Variants in B3GALT1 observed in about 807,000 individuals in gnomAD.
B3GALT1 encodes the protein beta-1,3-galactosyltransferase 1.
B3GALT1 carries 10 observed loss-of-function variants against 23.2 expected under a neutral mutation model. That is an observed-to-expected ratio of 0.43 (90% CI 0.27 to 0.73). The LOEUF (loss-of-function observed/expected upper bound fraction) is 0.73, where lower values mean the gene tolerates loss of function less well. B3GALT1 is among the 30% of genes least tolerant of loss of function. The pLI, the probability that B3GALT1 is intolerant of heterozygous loss-of-function variation, is 0.21. For synonymous variants in B3GALT1, 156 were observed against 141.5 expected (o/e 1.10, Z -0.73); for missense variants, 299 against 405.4 (o/e 0.74, Z 2.25).
chr2:167,854,872 G>C (rs1279542642), intron 4 of B3GALT1, among the ~76,000 whole-genome samples: 4 of 152,146 alleles, frequency 2.6e-5, no homozygotes, highest in Non-Finnish European at 5.9e-5. Context: ...CATCTCTTAA[G>C]TTCTTCCCAA....
intron 2 of B3GALT1, among the ~76,000 whole-genome samples, chr2:167,561,826 C>T (rs1041966327): frequency 2.0e-5 from 3 of 152,184 alleles, no homozygotes; most frequent in African/African-American, 7.2e-5. Flanking sequence ...AGCTTACCAA[C>T]CAAGAAGAGT....
chr2:167,564,182 C>G (rs1159414109), intron 2 of B3GALT1, among the ~76,000 whole-genome samples: 3 of 150,404 alleles, frequency 2.0e-5, no homozygotes, highest in Non-Finnish European at 4.4e-5. Context: ...CCTCACTTCT[C>G]AGACGGGGCG....
chr2:167,403,807 G>A (rs945304166), intron 1 of B3GALT1, among the ~76,000 whole-genome samples: 1 of 152,130 alleles, frequency 6.6e-6, no homozygotes, highest in African/African-American at 2.4e-5. Flanking sequence ...CATGGAAAGG[G>A]AAGGGAAGGA....
intron 1 of B3GALT1, among the ~76,000 whole-genome samples, chr2:167,330,377 T>G (rs1696954505): frequency 6.6e-6 from 1 of 152,122 alleles, no homozygotes; most frequent in Non-Finnish European, 1.5e-5. Flanking sequence ...GAGGCTGAGA[T>G]GAGAGCCTTC....
At chr2:167,489,802 A>G (rs537577106) in intron 1 of B3GALT1, among the ~76,000 whole-genome samples, 3 of 152,336 alleles carry the variant, frequency 2.0e-5, no homozygotes, top group Middle Eastern at 6.8e-3. Context: ...AGAACTAACA[A>G]TATTCTACTT....
intron 2 of B3GALT1, among the ~76,000 whole-genome samples, chr2:167,609,305 T>C (rs995853880): frequency 6.6e-6 from 1 of 152,322 alleles, no homozygotes; most frequent in African/African-American, 2.4e-5. Context: ...GGACAGTCTT[T>C]ACCCATGTGA....
intron 1 of B3GALT1, among the ~76,000 whole-genome samples, chr2:167,453,092 A>G (rs1288539371): frequency 6.6e-6 from 1 of 152,216 alleles, no homozygotes; most frequent in Non-Finnish European, 1.5e-5. Flanking sequence ...AGAGATGTCT[A>G]CATAGGCAGT....
intron 2 of B3GALT1, among the ~76,000 whole-genome samples, chr2:167,586,225 A>T (rs10196108): frequency 0.17 from 26,197 of 152,226 alleles, 2,319 homozygotes; most frequent in Non-Finnish European, 0.18. Flanking sequence ...CCTTCCTTAA[A>T]TCCAGGAAGC....
At position 167,511,933 on chromosome 2, in the gene B3GALT1, A is replaced by G. The variant is rs1264280712; in HGVS notation, c.-410+21656A>G. 3.3e-5 allele frequency among the ~76,000 whole-genome samples: 5 copies of G among 152,340 alleles called. No homozygotes were observed. The East Asian group carries it at 9.6e-4, about 29-fold the overall frequency. ...CATCCACCATGTGCCAGGCACGGGGAATACAGCAATGAATACAAAAGACAA... is the reference window on the plus strand; with the variant it reads ...CATCCACCATGTGCCAGGCACGGGGGATACAGCAATGAATACAAAAGACAA... On this transcript the variant is annotated intron_variant, in intron 2 of 4. Coordinates refer to ENST00000392690, the MANE Select transcript of B3GALT1 (RefSeq NM_020981.4).
chr2:167,765,833 C>T (rs535921473), intron 3 of B3GALT1, among the ~76,000 whole-genome samples: 3 of 152,118 alleles, frequency 2.0e-5, no homozygotes, highest in African/African-American at 7.2e-5. Context: ...TACCGATAAA[C>T]CTTATAACAC....
chr2:167,858,356 A>C (rs1177561412), intron 4 of B3GALT1, among the ~76,000 whole-genome samples: 1 of 151,912 alleles, frequency 6.6e-6, no homozygotes, highest in Non-Finnish European at 1.5e-5. Context: ...AAAAAAAAAA[A>C]AAAAAAAACT....
At position 167,871,891 on chromosome 2, in the gene B3GALT1, C is replaced by CTTTTTTTT. The variant is rs397870339; in HGVS notation, c.*1892_*1899dup. 12 of 62,464 alleles carry CTTTTTTTT rather than the reference C, an allele frequency of 1.9e-4. 1 individual carries two copies. The highest frequency in any genetic ancestry group is 2.8e-4 in the Non-Finnish European group (9 of 32,556). The allele number at this position is 62,464 out of a possible 1,614,324, so 3.9% of individuals were successfully genotyped here. ...AGAGTGTACCTTTTTTATTTATTTA[C>CTTTTTTTT]TTTTTTTTTTTTTTTTTTTTTTTTT... On this transcript the variant is annotated 3_prime_UTR_variant, in exon 5 of 5. Coordinates refer to ENST00000392690, the MANE Select transcript of B3GALT1 (RefSeq NM_020981.4).
intron 2 of B3GALT1, among the ~76,000 whole-genome samples, chr2:167,635,967 A>G (rs1380598454): frequency 6.6e-6 from 1 of 152,080 alleles, no homozygotes; most frequent in East Asian, 1.9e-4. Context: ...AGCAACCAAA[A>G]CAGCATGGTA....
At position 167,576,746 on chromosome 2, in the gene B3GALT1, G is replaced by T. The variant is rs187929180; in HGVS notation, c.-409-70163G>T. Among the ~76,000 whole-genome samples, 196 of 151,602 alleles carry T rather than the reference G, an allele frequency of 1.3e-3. 1 individual carries two copies. Among genetic ancestry groups the T allele is most frequent in the African/African-American group, 4.4e-3 (184 of 41,416 alleles). ...TTCTATTCTGTCTTTCTAAAGGTGT[G>T]TGGTCTCCATTTGCATAAATCCTAT... On this transcript the variant is annotated intron_variant, in intron 2 of 4. Coordinates refer to ENST00000392690, the MANE Select transcript of B3GALT1 (RefSeq NM_020981.4).
intron 3 of B3GALT1, among the ~76,000 whole-genome samples, chr2:167,787,076 G>A (rs1014603939): frequency 6.6e-6 from 1 of 152,168 alleles, no homozygotes; most frequent in African/African-American, 2.4e-5. Flanking sequence ...TCTGTATTTT[G>A]ACCAGCTAGA....
chr2:167,618,108 A>G (rs2105437078), intron 2 of B3GALT1, among the ~76,000 whole-genome samples: 1 of 152,122 alleles, frequency 6.6e-6, no homozygotes, highest in South Asian at 2.1e-4. Flanking sequence ...TTTAGAACTT[A>G]ATTTTCCTTC....
chr2:167,303,832 GT>G (rs1283428824), intron 1 of B3GALT1, among the ~76,000 whole-genome samples: 2 of 152,092 alleles, frequency 1.3e-5, no homozygotes, highest in African/African-American at 2.4e-5. Context: ...GCAATTCAGA[GT>G]TTATCCCCTC....
intron 1 of B3GALT1, among the ~76,000 whole-genome samples, chr2:167,408,603 T>C (rs1698345615): frequency 6.6e-6 from 1 of 151,674 alleles, no homozygotes; most frequent in African/African-American, 2.4e-5. Context: ...GACTGCAACA[T>C]AAAAAACTGT....
chr2:167,460,682 G>T (rs2105325317), intron 1 of B3GALT1, among the ~76,000 whole-genome samples: 1 of 149,530 alleles, frequency 6.7e-6, no homozygotes, highest in South Asian at 2.1e-4. Flanking sequence ...TGATTTTTTT[G>T]TTGAAAACTG....
Sources: allele counts gnomAD v4.1 joint callset (sites outside exome capture counted in the v4.1 genomes callset), GRCh38; gene constraint gnomAD v4.1.1; transcripts MANE v1.5; gene names NCBI Gene and HGNC (gene_info 2026-07-23, HGNC 2026-07-21).